GRK3: variants seen among roughly 807,000 people sequenced by gnomAD.
GRK3 encodes the protein G protein-coupled receptor kinase 3, also known as adrenergic, beta, receptor kinase 2.
Under a neutral mutation model 95.7 loss-of-function variants are expected in GRK3, and 54 were observed. That is an observed-to-expected ratio of 0.56 (90% CI 0.45 to 0.71). The LOEUF is 0.71. Among genes scored for constraint, GRK3 ranks in the 30% least tolerant of loss-of-function variants. The pLI, the probability that GRK3 is intolerant of heterozygous loss-of-function variation, is 0.00. For missense variants in GRK3, 649 were observed against 851.2 expected (o/e 0.76, Z 2.96); for synonymous variants, 281 against 290.8 (o/e 0.97, Z 0.34).
At chr22:25,707,043 A>G (rs1170384907) in intron 15 of GRK3, among the ~76,000 whole-genome samples, 1 of 151,550 alleles carries the variant, frequency 6.6e-6, no homozygotes, top group Non-Finnish European at 1.5e-5. Context: ...ACAGGTCTTG[A>G]ACTCCTGGCC....
intron 3 of GRK3, among the ~76,000 whole-genome samples, chr22:25,659,415 G>A (rs183272074): frequency 2.6e-4 from 40 of 152,336 alleles, no homozygotes; most frequent in Admixed American, 4.6e-4. Context: ...TGGACCAAAA[G>A]TGCTTGCTCT....
chr22:25,644,973 G>A (rs1174720789), intron 3 of GRK3, among the ~76,000 whole-genome samples: 1 of 152,142 alleles, frequency 6.6e-6, no homozygotes, highest in Non-Finnish European at 1.5e-5. Flanking sequence ...ATTTTCTGTG[G>A]AAGCGTGCTA....
chr22:25,652,346 G>C (rs1163341951), intron 3 of GRK3, among the ~76,000 whole-genome samples: 1 of 152,182 alleles, frequency 6.6e-6, no homozygotes, highest in Non-Finnish European at 1.5e-5. Context: ...CAGGAGAATG[G>C]CGTGAACCCG....
At chr22:25,648,027 A>C in intron 3 of GRK3, 1 of 498,672 alleles carries the variant, frequency 2.0e-6, no homozygotes, top group Non-Finnish European at 3.6e-6. Flanking sequence ...GAGGCAGCAG[A>C]ATCACTTGAA....
chr22:25,605,228 G>A (rs2084436231), intron 2 of GRK3, among the ~76,000 whole-genome samples: 1 of 152,208 alleles, frequency 6.6e-6, no homozygotes, highest in South Asian at 2.1e-4. Context: ...GTTTGGAGAA[G>A]CAGATGACAT....
intron 3 of GRK3, among the ~76,000 whole-genome samples, chr22:25,659,403 T>C (rs1410849849): frequency 1.3e-5 from 2 of 152,178 alleles, no homozygotes; most frequent in African/African-American, 2.4e-5. Context: ...CTATGACACC[T>C]GTGGACCAAA....
chr22:25,643,252 G>A (rs964995542), intron 2 of GRK3, among the ~76,000 whole-genome samples: 3 of 152,190 alleles, frequency 2.0e-5, no homozygotes, highest in Non-Finnish European at 2.9e-5. Context: ...CATGGGAGGA[G>A]CGTGGCTGTG....
intron 1 of GRK3, among the ~76,000 whole-genome samples, chr22:25,592,616 C>T (rs75089596): frequency 0.068 from 10,108 of 148,748 alleles, 447 homozygotes; most frequent in African/African-American, 0.13. Flanking sequence ...TATATTTAGA[C>T]CTATGGTCAA....
chr22:25,667,745 A>T lies in GRK3; in HGVS notation c.448A>T (p.Ile150Leu), dbSNP rs1183300142. 2 of 1,610,454 alleles carry T rather than the reference A, an allele frequency of 1.2e-6. No individual in the cohort carries two copies. The change falls in exon 6 of 21, where the codon ATA becomes TTA. Residue 150 changes from isoleucine (I) to leucine (L), a missense_variant. Transcript: ENST00000324198. ...TCTTTTCCATCTCTTCCAGCCATAC[A>T]TAGAAGAAATTTGTGAAAGCCTTCG... is the stretch of plus-strand genomic sequence containing the variant. ...QVTSTLFQPY[I>L]EEICESLRGD...
At chr22:25,672,667 T>G (rs2084992335) in intron 7 of GRK3, among the ~76,000 whole-genome samples, 1 of 152,232 alleles carries the variant, frequency 6.6e-6, no homozygotes, top group Admixed American at 6.5e-5. Context: ...CCTTGCCTTC[T>G]GCCATTCTGG....
chr22:25,625,222 A>G (rs1318139430), intron 2 of GRK3, among the ~76,000 whole-genome samples: 1 of 152,236 alleles, frequency 6.6e-6, no homozygotes, highest in African/African-American at 2.4e-5. Flanking sequence ...TATACCAGAT[A>G]TAGATCTTAG....
Position 25,728,610 on chromosome 22 carries a change from A to G in GRK3, c.*6160A>G, listed in dbSNP as rs909825074. Reference sequence around the variant, plus strand: ...CCTTAAGATTTGATTATTGCACCCAATTACCTAACCACTAAACAGAAAGGC... The same window carrying G: ...CCTTAAGATTTGATTATTGCACCCAGTTACCTAACCACTAAACAGAAAGGC... On this transcript the variant is annotated 3_prime_UTR_variant, in exon 21 of 21. Coordinates refer to ENST00000324198, the MANE Select transcript of GRK3 (RefSeq NM_005160.4). 6.6e-6 allele frequency: 1 copy of G among 152,208 alleles called. No individual in the cohort carries two copies. The highest frequency in any genetic ancestry group is 1.5e-5 in the Non-Finnish European group (1 of 68,036). The allele number at this position is 152,208 out of a possible 1,614,324, so 9.4% of individuals were successfully genotyped here. A position where few individuals can be genotyped will look rare whatever the true frequency, so the allele number is the denominator to read the frequency against.
chr22:25,608,036 T>C (rs1173415859), intron 2 of GRK3, among the ~76,000 whole-genome samples: 4 of 152,210 alleles, frequency 2.6e-5, no homozygotes, highest in Non-Finnish European at 5.9e-5. Flanking sequence ...GCACATGCCA[T>C]TTAGGGTCTC....
At chr22:25,614,413 T>C (rs987224118) in intron 2 of GRK3, among the ~76,000 whole-genome samples, 1 of 152,184 alleles carries the variant, frequency 6.6e-6, no homozygotes, top group African/African-American at 2.4e-5. Flanking sequence ...GGATTATAGG[T>C]GTGAGCCACT....
chr22:25,639,218 A>G (rs928694636), intron 2 of GRK3, among the ~76,000 whole-genome samples: 7 of 152,340 alleles, frequency 4.6e-5, no homozygotes, highest in Middle Eastern at 3.4e-3. Flanking sequence ...TTGATAAAGT[A>G]TAATTTATCA....
At chr22:25,668,661 C>T (rs1018165747) in intron 6 of GRK3, among the ~76,000 whole-genome samples, 1 of 152,164 alleles carries the variant, frequency 6.6e-6, no homozygotes, top group Non-Finnish European at 1.5e-5. Flanking sequence ...AGGAACTTTG[C>T]CAAAAAGCGC....
chr22:25,725,299 T>C lies in GRK3; in HGVS notation c.*2849T>C, dbSNP rs561912802. 2.8e-6 allele frequency: 1 copy of C among 356,164 alleles called. No individual in the cohort carries two copies. Among genetic ancestry groups the C allele is most frequent in the Non-Finnish European group, 5.0e-6 (1 of 200,582 alleles). The allele number at this position is 356,164 out of a possible 1,614,324, so 22.1% of individuals were successfully genotyped here. On this transcript the variant is annotated 3_prime_UTR_variant, in exon 21 of 21. Transcript: ENST00000324198. ...TTTTAACATTGATGAGAAAAATAAT[T>C]GAGGTTGATATTTTTACAAAATCAT...
intron 1 of GRK3, among the ~76,000 whole-genome samples, chr22:25,597,007 C>G (rs554822870): frequency 1.3e-5 from 2 of 152,328 alleles, no homozygotes; most frequent in East Asian, 3.9e-4. Context: ...TTTCCTCCTT[C>G]TCCCTGTAGG....
intron 2 of GRK3, among the ~76,000 whole-genome samples, chr22:25,610,947 C>T (rs28768491): frequency 4.6e-4 from 70 of 152,202 alleles, no homozygotes; most frequent in African/African-American, 1.4e-3. Context: ...CTGCAACCTC[C>T]GCCTCCTGGG....
Sources: allele counts gnomAD v4.1 joint callset (sites outside exome capture counted in the v4.1 genomes callset), GRCh38; gene constraint gnomAD v4.1.1; transcripts MANE v1.5; gene names NCBI Gene and HGNC (gene_info 2026-07-23, HGNC 2026-07-21).